DOCK1: variants seen among roughly 807,000 people sequenced by gnomAD.
The protein encoded by DOCK1 is dedicator of cytokinesis protein 1.
DOCK1 carries 138 observed loss-of-function variants against 262.7 expected under a neutral mutation model. That is an observed-to-expected ratio of 0.53 (90% CI 0.46 to 0.61). DOCK1 has a LOEUF of 0.61. Ranked by LOEUF, DOCK1 falls within the 20% of genes least tolerant of loss-of-function variation. The pLI is 0.00. For synonymous variants in DOCK1, 866 were observed against 867.4 expected, an observed-to-expected ratio of 1.00 and a Z score of 0.03; for missense variants, 1,908 against 2,370.7, an observed-to-expected ratio of 0.80 and a Z score of 4.05.
chr10:126,943,398 G>A (rs1308503305), intron 1 of DOCK1, among the ~76,000 whole-genome samples: 1 of 152,216 alleles, frequency 6.6e-6, no homozygotes, highest in African/African-American at 2.4e-5. Flanking sequence ...CCTAGCACTG[G>A]TTGACCTGAG....
chr10:127,404,273 C>A, intron 39 of DOCK1, 52 bp from the exon 40 acceptor site: 1 of 1,486,666 alleles, frequency 6.7e-7, no homozygotes, highest in Non-Finnish European at 9.2e-7. Context: ...AATCCAGAGG[C>A]ACACATGCTT....
chr10:127,175,450 G>A lies in DOCK1; in HGVS notation c.2847+47686G>A. The A allele has an allele frequency of 6.2e-7, 1 of 1,611,754 alleles. No individual in the cohort carries two copies. Among genetic ancestry groups the A allele is most frequent in the Non-Finnish European group, 8.5e-7 (1 of 1,180,026 alleles). The stretch of plus-strand genomic sequence containing the variant: ...TGCGACGGCTGCTCACTACATTCGG[G>A]GGACAGGCACTGCATCGGGGGTGAG... On this transcript the variant is annotated intron_variant, in intron 27 of 51. Transcript: ENST00000623213. The surrounding 1 kb of genome is among the most constrained non-coding windows in gnomAD (Gnocchi z 6.3).
intron 19 of DOCK1, among the ~76,000 whole-genome samples, chr10:127,041,927 C>T (rs977685699): frequency 6.6e-6 from 1 of 151,948 alleles, no homozygotes; most frequent in Admixed American, 6.6e-5. Flanking sequence ...ATCTTCAGTC[C>T]GTCTTACATT....
At chr10:127,033,453 G>A (rs1043933178) in intron 18 of DOCK1, among the ~76,000 whole-genome samples, 26 of 152,304 alleles carry the variant, frequency 1.7e-4, no homozygotes, top group Admixed American at 5.2e-4. Flanking sequence ...CTGTCACTCC[G>A]TCTGGAAGAG....
intron 4 of DOCK1, among the ~76,000 whole-genome samples, chr10:126,985,555 G>C (rs1333933722): frequency 6.6e-6 from 1 of 152,152 alleles, no homozygotes; most frequent in East Asian, 1.9e-4. Context: ...TATTCACATG[G>C]TGGAAGGGAG....
intron 21 of DOCK1, among the ~76,000 whole-genome samples, chr10:127,046,999 T>C (rs1224448560): frequency 6.6e-6 from 1 of 152,140 alleles, no homozygotes; most frequent in Non-Finnish European, 1.5e-5. Context: ...GTGAATTTTG[T>C]TGGATGCGTA....
intron 29 of DOCK1, among the ~76,000 whole-genome samples, chr10:127,304,642 T>C (rs2061809100): frequency 6.6e-6 from 1 of 152,156 alleles, no homozygotes; most frequent in Non-Finnish European, 1.5e-5. Flanking sequence ...TCTTAGCATT[T>C]TGGGAGGTGA....
intron 36 of DOCK1, 79 bp downstream of exon 36, chr10:127,380,201 TG>T: frequency 8.7e-7 from 1 of 1,147,522 alleles, no homozygotes; most frequent in Non-Finnish European, 1.2e-6. Context: ...CTAAGAAATG[TG>T]TTATAGCCGC....
At chr10:126,915,913 T>G (rs1335239460) in intron 1 of DOCK1, among the ~76,000 whole-genome samples, 1 of 152,128 alleles carries the variant, frequency 6.6e-6, no homozygotes, top group Non-Finnish European at 1.5e-5. Flanking sequence ...TGTTTTTAAG[T>G]GTTTTTTGTC....
At chr10:127,269,648 C>T (rs1777083387) in intron 29 of DOCK1, among the ~76,000 whole-genome samples, 1 of 152,136 alleles carries the variant, frequency 6.6e-6, no homozygotes, top group Non-Finnish European at 1.5e-5. Context: ...TCCTGTCTGC[C>T]CTGGCATCTT....
intron 23 of DOCK1, among the ~76,000 whole-genome samples, chr10:127,078,770 G>A (rs1412381112): frequency 6.6e-6 from 1 of 152,218 alleles, no homozygotes; most frequent in East Asian, 1.9e-4. Context: ...AATGAATTAA[G>A]GGCATTTACA....
chr10:127,158,197 A>G (rs1423008488), intron 27 of DOCK1, among the ~76,000 whole-genome samples: 7 of 152,148 alleles, frequency 4.6e-5, no homozygotes, highest in Admixed American at 3.9e-4. Context: ...GAATTTCCCT[A>G]TTTTTTCCTT....
intron 27 of DOCK1, among the ~76,000 whole-genome samples, chr10:127,224,287 G>A (rs1564915725): frequency 1.3e-5 from 2 of 152,276 alleles, no homozygotes; most frequent in South Asian, 2.1e-4. Context: ...TTGGCCGGGT[G>A]CAGTGGCACA....
chr10:126,915,560 A>G (rs1024290739), intron 1 of DOCK1, among the ~76,000 whole-genome samples: 1 of 152,126 alleles, frequency 6.6e-6, no homozygotes, highest in African/African-American at 2.4e-5. Flanking sequence ...CTGGGATTAC[A>G]GGTGTGCACC....
At chr10:127,159,840 C>T (rs1396691106) in intron 27 of DOCK1, among the ~76,000 whole-genome samples, 4 of 152,086 alleles carry the variant, frequency 2.6e-5, no homozygotes, top group Admixed American at 6.6e-5. Flanking sequence ...GCCTGAGAGC[C>T]GCACCATGGC....
intron 29 of DOCK1, among the ~76,000 whole-genome samples, chr10:127,321,365 A>T (rs1218192738): frequency 8.6e-5 from 11 of 127,198 alleles, no homozygotes; most frequent in Admixed American, 1.6e-4. Flanking sequence ...TCTCTAGCTC[A>T]TTTTTTTTTT....
At chr10:126,918,211 G>C (rs753346792) in intron 1 of DOCK1, among the ~76,000 whole-genome samples, 3 of 151,360 alleles carry the variant, frequency 2.0e-5, no homozygotes, top group Non-Finnish European at 4.4e-5. Flanking sequence ...GCCTGGGATT[G>C]ATTGCCAGCA....
chr10:127,282,682 C>T (rs1002233297), intron 29 of DOCK1, among the ~76,000 whole-genome samples: 2 of 152,266 alleles, frequency 1.3e-5, no homozygotes, highest in African/African-American at 4.8e-5. Context: ...GCTCTGCCTG[C>T]TCTTACCTGC....
At chr10:127,098,706 C>G (rs1175203876) in intron 23 of DOCK1, among the ~76,000 whole-genome samples, 1 of 152,102 alleles carries the variant, frequency 6.6e-6, no homozygotes, top group Non-Finnish European at 1.5e-5. Flanking sequence ...GTTAGGGTCC[C>G]CCACATGCAT....
Sources: gnomAD v4.1 joint callset for allele counts (sites outside exome capture counted in the v4.1 genomes callset) on GRCh38, gnomAD v4.1.1 for gene constraint, Gnocchi (gnomAD v3.1) non-coding constraint, MANE v1.5 for transcripts, NCBI Gene and HGNC (gene_info 2026-07-23, HGNC 2026-07-21) for gene names.